ZNF341: variants seen among roughly 807,000 people sequenced by gnomAD.
The protein encoded by ZNF341 is zinc finger protein 341.
ZNF341 carries 52 observed loss-of-function variants against 87.7 expected under a neutral mutation model. That is an observed-to-expected ratio of 0.59 (90% confidence interval 0.47 to 0.75). The LOEUF is 0.75. Ranked by LOEUF, ZNF341 falls within the 30% of genes least tolerant of loss-of-function variation. The probability of loss-of-function intolerance (pLI) is 0.00; values close to 1 mark genes in which losing one functional copy is unlikely to be tolerated. For synonymous variants in ZNF341, 459 were observed against 472.7 expected, an observed-to-expected ratio of 0.97 and a Z score of 0.38; for missense variants, 977 against 1,145.9, an observed-to-expected ratio of 0.85 and a Z score of 2.13.
chr20:33,791,615 C>G lies in ZNF341; in HGVS notation c.*98C>G. ...GGTGATCCTTACCAGTGGAAGCGAG[C>G]CATCGAGCCATTGGCAGAAATCCTG... On this transcript the variant is annotated 3_prime_UTR_variant, in exon 15 of 15. Transcript: ENST00000375200. The G allele has an allele frequency of 1.5e-6, 2 of 1,310,824 alleles. No homozygotes were observed. The highest frequency in any genetic ancestry group is 2.0e-6 in the Non-Finnish European group (2 of 991,114). The allele number at this position is 1,310,824 out of a possible 1,614,324, so 81.2% of individuals were successfully genotyped here. A position where few individuals can be genotyped will look rare whatever the true frequency, so the allele number is the denominator to read the frequency against.
rs751428049 is a variant in ZNF341, at chr20:33,791,212, C to A, written c.2260C>A (p.Arg754Ser). The change falls in exon 15 of 15, where the codon CGC becomes AGC. Residue 754 changes from arginine to serine, a missense_variant. Coordinates refer to ENST00000375200, the MANE Select transcript of ZNF341 (RefSeq NM_001282933.2). ...GCCCCCCCAGAGGAGGGCAGCCCCC[C>A]GCAGTTGCGGCAGTGGTGGGCGCAA... ...RRPPQRRAAP[R>S]SCGSGGRKVL... is the part of the protein sequence containing the mutation. 4.3e-5 allele frequency: 69 copies of A among 1,612,284 alleles called. 1 individual carries two copies. The South Asian group carries it at 6.0e-4, about 14-fold the overall frequency.
At chr20:33,734,660 T>G (rs2018642801) in intron 1 of ZNF341, among the ~76,000 whole-genome samples, 1 of 152,128 alleles carries the variant, frequency 6.6e-6, no homozygotes, top group African/African-American at 2.4e-5. Flanking sequence ...GAACAAACTT[T>G]GGGGTGGAGG....
At chr20:33,784,505 C>A (rs569739539) in intron 12 of ZNF341, among the ~76,000 whole-genome samples, 1 of 131,228 alleles carries the variant, frequency 7.6e-6, no homozygotes, top group South Asian at 2.7e-4. Context: ...CCTCCTTCCT[C>A]TCTCCTTCCT....
At chr20:33,770,988 G>A (rs761615401) in intron 10 of ZNF341, among the ~76,000 whole-genome samples, 1 of 151,966 alleles carries the variant, frequency 6.6e-6, no homozygotes, top group Non-Finnish European at 1.5e-5. Flanking sequence ...CGGGCGTGGT[G>A]GTGGGCGCCT....
intron 12 of ZNF341, among the ~76,000 whole-genome samples, chr20:33,786,027 C>CTTTT (rs11478588): frequency 2.6e-4 from 18 of 68,678 alleles, no homozygotes; most frequent in African/African-American, 4.5e-4. Context: ...ATGTATGAAC[C>CTTTT]TTTTTTTTTT....
At chr20:33,776,677 A>T (rs2019633952) in intron 10 of ZNF341, among the ~76,000 whole-genome samples, 1 of 152,092 alleles carries the variant, frequency 6.6e-6, no homozygotes. Context: ...TGAGCCACAC[A>T]CCTGGCCAAT....
chr20:33,757,955 G>A (rs1481596440), intron 6 of ZNF341, among the ~76,000 whole-genome samples: 2 of 152,142 alleles, frequency 1.3e-5, no homozygotes, highest in African/African-American at 4.8e-5. Flanking sequence ...GGGAGGTGGT[G>A]TCAGAGCAGG....
rs373652683 is a variant in ZNF341, at chr20:33,781,658, C to G, written c.1719+271C>G. 1.4e-4 allele frequency among the ~76,000 whole-genome samples: 21 copies of G among 152,086 alleles called. No homozygotes were observed. In the East Asian group the frequency reaches 1.5e-3, roughly 11 times the overall value. ...TGTCTGAGCAGAAGCCTCCCAGCTT[C>G]CTGATGTAAGATTATCCTTATTACA... is the stretch of plus-strand genomic sequence containing the variant. On this transcript the variant is annotated intron_variant, in intron 11 of 14. Coordinates refer to ENST00000375200, the MANE Select transcript of ZNF341 (RefSeq NM_001282933.2).
intron 3 of ZNF341, among the ~76,000 whole-genome samples, chr20:33,747,822 A>G (rs1398166183): frequency 1.3e-5 from 2 of 148,846 alleles, no homozygotes; most frequent in Non-Finnish European, 3.0e-5. Context: ...CAGCCTCCTG[A>G]GTAGCTGGGA....
chr20:33,788,647 C>A, intron 12 of ZNF341: 1 of 586,216 alleles, frequency 1.7e-6, no homozygotes. Context: ...TCTCCTCATG[C>A]ATGGCCTCAT....
intron 12 of ZNF341, among the ~76,000 whole-genome samples, chr20:33,784,266 C>T (rs1216155574): frequency 4.3e-5 from 1 of 23,138 alleles, no homozygotes; most frequent in African/African-American, 2.3e-4. Flanking sequence ...TCTCTCTCCC[C>T]CCCATCTCCC....
At chr20:33,737,576 C>A (rs1425873920) in intron 1 of ZNF341, among the ~76,000 whole-genome samples, 1 of 152,172 alleles carries the variant, frequency 6.6e-6, no homozygotes, top group African/African-American at 2.4e-5. Context: ...CCACCTTGGC[C>A]TCCCAAAATG....
chr20:33,741,400 T>C (rs1303614296), intron 2 of ZNF341, among the ~76,000 whole-genome samples: 2 of 150,760 alleles, frequency 1.3e-5, no homozygotes, highest in Admixed American at 6.6e-5. Context: ...CTTCTTTTTT[T>C]TTTTTTTCTT....
intron 7 of ZNF341, among the ~76,000 whole-genome samples, chr20:33,760,157 C>T (rs1458655016): frequency 6.6e-6 from 1 of 152,148 alleles, no homozygotes; most frequent in Non-Finnish European, 1.5e-5. Flanking sequence ...AATCCTAGCA[C>T]TTTGGGAGGC....
intron 7 of ZNF341, among the ~76,000 whole-genome samples, chr20:33,760,734 G>C (rs1211893782): frequency 6.6e-6 from 1 of 151,872 alleles, no homozygotes; most frequent in African/African-American, 2.4e-5. Flanking sequence ...TGTAGAAACA[G>C]GGTTTCATCA....
chr20:33,761,472 C>T (rs2019287603), intron 7 of ZNF341, among the ~76,000 whole-genome samples: 1 of 152,152 alleles, frequency 6.6e-6, no homozygotes. Flanking sequence ...CCATGTTGGC[C>T]AGGCTGGTCT....
chr20:33,739,268 A>G (rs1463697617), intron 1 of ZNF341, among the ~76,000 whole-genome samples: 1 of 152,184 alleles, frequency 6.6e-6, no homozygotes, highest in Non-Finnish European at 1.5e-5. Context: ...ATGCCCGGCC[A>G]GAGATAACTG....
intron 4 of ZNF341, among the ~76,000 whole-genome samples, chr20:33,751,290 C>T (rs531597652): frequency 6.6e-6 from 1 of 152,166 alleles, no homozygotes; most frequent in East Asian, 1.9e-4. Flanking sequence ...TTCACGACTA[C>T]CCACACATTC....
chr20:33,772,010 T>TAAAAAAAAA lies in ZNF341; in HGVS notation c.1622+1735_1622+1743dup, dbSNP rs57345366. Among the ~76,000 whole-genome samples, 28 of 56,162 alleles carry TAAAAAAAAA rather than the reference T, an allele frequency of 5.0e-4. 1 individual carries two copies. The highest frequency in any genetic ancestry group is 2.1e-3 in the African/African-American group (27 of 12,906). The allele number at this position is 56,162 out of a possible 152,430, so 36.8% of individuals were successfully genotyped here. On this transcript the variant is annotated intron_variant, in intron 10 of 14. Transcript: ENST00000375200. ...GCCTGAGCGACAGAGACGCTTGTCT[T>TAAAAAAAAA]AAAAAAAAAAAAAAAAAAAAAAAAA... is the stretch of plus-strand genomic sequence containing the variant.
Sources: allele counts gnomAD v4.1 joint callset (sites outside exome capture counted in the v4.1 genomes callset), GRCh38; gene constraint gnomAD v4.1.1; transcripts MANE v1.5; gene names NCBI Gene and HGNC (gene_info 2026-07-23, HGNC 2026-07-21).